Variants in FMNL2 observed in about 807,000 individuals in gnomAD.
FMNL2 encodes the protein formin-like protein 2.
In FMNL2, 51 loss-of-function variants were observed where a neutral mutation model predicts 130.2. That is an observed-to-expected ratio of 0.39 (90% CI 0.31 to 0.49). FMNL2 has a LOEUF of 0.49. FMNL2 is among the 20% of genes least tolerant of loss of function. The pLI is 0.85. For missense variants in FMNL2, 977 were observed against 1,316.2 expected (o/e 0.74, Z 3.99); for synonymous variants, 465 against 467.1 (o/e 1.00, Z 0.06).
intron 1 of FMNL2, among the ~76,000 whole-genome samples, chr2:152,468,031 A>G (rs1431947264): frequency 1.3e-5 from 2 of 152,218 alleles, no homozygotes; most frequent in Non-Finnish European, 2.9e-5. Flanking sequence ...GCTCTTACCC[A>G]TTTCTAAATC....
chr2:152,608,360 G>GGA (rs1698493317), intron 10 of FMNL2, among the ~76,000 whole-genome samples: 1 of 16,548 alleles, frequency 6.0e-5, no homozygotes, highest in African/African-American at 1.7e-4. Context: ...CCCTTTTTGT[G>GGA]AAAAAAAAAA....
At chr2:152,612,371 T>G (rs555005248) in intron 11 of FMNL2, among the ~76,000 whole-genome samples, 131 of 152,154 alleles carry the variant, frequency 8.6e-4, no homozygotes, top group Non-Finnish European at 1.5e-3. Context: ...CACCAAAAAA[T>G]TAGCCAGGTG....
chr2:152,519,185 A>G (rs1692938825), intron 1 of FMNL2, among the ~76,000 whole-genome samples: 1 of 152,028 alleles, frequency 6.6e-6, no homozygotes, highest in Non-Finnish European at 1.5e-5. Context: ...TTTTCCTGAG[A>G]GGTTTTTCCA....
At chr2:152,457,392 A>T (rs1462938534) in intron 1 of FMNL2, among the ~76,000 whole-genome samples, 1 of 152,186 alleles carries the variant, frequency 6.6e-6, no homozygotes, top group African/African-American at 2.4e-5. Flanking sequence ...TTTTCAAGAT[A>T]AGTGAGGCTG....
intron 6 of FMNL2, among the ~76,000 whole-genome samples, chr2:152,571,633 G>A (rs1376883245): frequency 6.6e-6 from 1 of 152,212 alleles, no homozygotes. Flanking sequence ...TCCCTGCAAA[G>A]CTCAGGCCTT....
intron 1 of FMNL2, among the ~76,000 whole-genome samples, chr2:152,350,860 C>G (rs934816488): frequency 2.6e-5 from 4 of 152,150 alleles, no homozygotes; most frequent in African/African-American, 9.7e-5. Flanking sequence ...ACCTGGCCAA[C>G]ACGGTGAAGC....
At chr2:152,512,659 A>G (rs1162130827) in intron 1 of FMNL2, among the ~76,000 whole-genome samples, 3 of 152,100 alleles carry the variant, frequency 2.0e-5, no homozygotes, top group African/African-American at 7.3e-5. Flanking sequence ...GACTACTTTA[A>G]AACAGTAGAT....
chr2:152,478,567 G>A (rs1690303946), intron 1 of FMNL2, among the ~76,000 whole-genome samples: 1 of 151,992 alleles, frequency 6.6e-6, no homozygotes. Context: ...TTACAAAAAG[G>A]CAAAGTGTAC....
intron 9 of FMNL2, among the ~76,000 whole-genome samples, chr2:152,586,015 G>A (rs1267025895): frequency 6.6e-6 from 1 of 152,038 alleles, no homozygotes; most frequent in Non-Finnish European, 1.5e-5. Context: ...TATGACATGA[G>A]TAATAAAATC....
chr2:152,470,707 T>C (rs898385487), intron 1 of FMNL2, among the ~76,000 whole-genome samples: 1 of 152,220 alleles, frequency 6.6e-6, no homozygotes, highest in Admixed American at 6.5e-5. Context: ...TTTTGGATCA[T>C]ATGCCGGATT....
intron 1 of FMNL2, among the ~76,000 whole-genome samples, chr2:152,455,892 T>G (rs1433830021): frequency 6.6e-6 from 1 of 152,186 alleles, no homozygotes; most frequent in Admixed American, 6.5e-5. Flanking sequence ...TTTTTTAAAT[T>G]TTTGTAGAGA....
intron 3 of FMNL2, among the ~76,000 whole-genome samples, chr2:152,545,326 G>A (rs901373752): frequency 3.9e-5 from 6 of 152,206 alleles, no homozygotes; most frequent in Non-Finnish European, 7.4e-5. Flanking sequence ...TCTAGGTTGG[G>A]CAGTTTTCCT....
chr2:152,598,224 C>A (rs1697868611), intron 9 of FMNL2, among the ~76,000 whole-genome samples: 1 of 152,216 alleles, frequency 6.6e-6, no homozygotes, highest in Non-Finnish European at 1.5e-5. Flanking sequence ...TGTGTCCCTT[C>A]CCTTGCTCAG....
At chr2:152,455,622 A>G (rs1377995539) in intron 1 of FMNL2, among the ~76,000 whole-genome samples, 1 of 152,234 alleles carries the variant, frequency 6.6e-6, no homozygotes, top group Admixed American at 6.5e-5. Context: ...ACAGTTCTTC[A>G]TGGGACTCAT....
chr2:152,579,470 G>T (rs1401320496), intron 8 of FMNL2, among the ~76,000 whole-genome samples: 1 of 152,190 alleles, frequency 6.6e-6, no homozygotes, highest in African/African-American at 2.4e-5. Context: ...GGCCGAGGCA[G>T]GCAGATCACC....
chr2:152,581,077 A>G, intron 9 of FMNL2, 28 bp downstream of exon 9: 1 of 1,572,086 alleles, frequency 6.4e-7, no homozygotes, highest in Non-Finnish European at 8.7e-7. Flanking sequence ...TTTCATAAGA[A>G]TACTCACACA....
intron 1 of FMNL2, among the ~76,000 whole-genome samples, chr2:152,412,445 T>TATATATATACAGATATATA (rs1249003549): frequency 5.8e-5 from 4 of 69,126 alleles, no homozygotes; most frequent in Non-Finnish European, 9.8e-5. Flanking sequence ...TTCTGTATAT[T>TATATATATACAGATATATA]TTATATATAT....
chr2:152,359,479 G>A (rs1683034887), intron 1 of FMNL2, among the ~76,000 whole-genome samples: 2 of 74,224 alleles, frequency 2.7e-5, no homozygotes, highest in Admixed American at 2.0e-4. Context: ...CTAAGAGGTA[G>A]CCTTTTTTTT....
intron 9 of FMNL2, among the ~76,000 whole-genome samples, chr2:152,593,860 AGTGTGTGTGTGTGT>A (rs70974873): frequency 7.1e-5 from 8 of 113,290 alleles, no homozygotes; most frequent in Admixed American, 1.1e-4. Flanking sequence ...AGAGAGAGAG[AGTGTGTGTGTGTGT>A]GTGTGTGTGT....
Sources: allele counts gnomAD v4.1 joint callset (sites outside exome capture counted in the v4.1 genomes callset), GRCh38; gene constraint gnomAD v4.1.1; transcripts MANE v1.5; gene names NCBI Gene and HGNC (gene_info 2026-07-23, HGNC 2026-07-21).